PHB1: variants seen among roughly 807,000 people sequenced by gnomAD.
PHB1 encodes epididymis luminal protein 215.
the PHB1 span, among the ~76,000 whole-genome samples, chr17:49,413,973 G>A: frequency 6.6e-6 from 1 of 152,218 alleles, no homozygotes; most frequent in African/African-American, 2.4e-5. Context: ...TGTGAGGTTA[G>A]ATTGGTGCAA....
the PHB1 span, chr17:49,409,300 G>C: frequency 6.2e-7 from 1 of 1,613,838 alleles, no homozygotes. Flanking sequence ...TGGTGCTCTG[G>C]GCTCGAGGCT....
At chr17:49,412,056 C>A in the PHB1 span, 1 of 502,006 alleles carries the variant, frequency 2.0e-6, no homozygotes, top group South Asian at 3.3e-5. Context: ...GGTAATAGGA[C>A]CTGTTCCTTA....
the PHB1 span, among the ~76,000 whole-genome samples, chr17:49,408,590 C>T: frequency 1.3e-5 from 2 of 152,208 alleles, no homozygotes; most frequent in African/African-American, 2.4e-5. Context: ...TATCACCTTT[C>T]ACTGGGGTTC....
chr17:49,407,147 T>C, the PHB1 span: 2 of 368,130 alleles, frequency 5.4e-6, no homozygotes, highest in East Asian at 1.1e-4. Flanking sequence ...CCAGAAGGTA[T>C]CTACTCAATC....
the PHB1 span, among the ~76,000 whole-genome samples, chr17:49,406,165 T>A: frequency 6.6e-6 from 1 of 152,230 alleles, no homozygotes; most frequent in East Asian, 1.9e-4. Flanking sequence ...GTGTTTTCAT[T>A]CTCCAAAATT....
the PHB1 span, chr17:49,404,982 G>C: frequency 4.5e-5 from 69 of 1,545,202 alleles, no homozygotes; most frequent in African/African-American, 8.5e-4. Context: ...GGTGCAGGCA[G>C]GGTGGGCCCT....
At chr17:49,405,795 C>CA in the PHB1 span, among the ~76,000 whole-genome samples, 1 of 144,614 alleles carries the variant, frequency 6.9e-6, no homozygotes, top group African/African-American at 2.5e-5. Context: ...AACAAACAAA[C>CA]AAAAAACCTC....
chr17:49,406,069 CCTA>C, the PHB1 span, among the ~76,000 whole-genome samples: 2 of 152,198 alleles, frequency 1.3e-5, no homozygotes, highest in African/African-American at 4.8e-5. Flanking sequence ...TTACTGTATA[CCTA>C]CTATCACCAG....
chr17:49,405,871 G>A, the PHB1 span, among the ~76,000 whole-genome samples: 1 of 151,998 alleles, frequency 6.6e-6, no homozygotes, highest in Non-Finnish European at 1.5e-5. Context: ...AGTTAGGCTG[G>A]TTCCTGACCA....
the PHB1 span, chr17:49,409,550 T>TTG: frequency 3.1e-6 from 3 of 954,458 alleles, no homozygotes; most frequent in Non-Finnish European, 4.5e-6. Flanking sequence ...TTTGTTTTTT[T>TTG]TTTTTTTTGA....
At chr17:49,404,719 C>A in the PHB1 span, 5 of 478,798 alleles carry the variant, frequency 1.0e-5, no homozygotes, top group African/African-American at 9.8e-5. Context: ...CTCCAGCAGG[C>A]CCCGAATTGG....
the PHB1 span, among the ~76,000 whole-genome samples, chr17:49,406,348 C>A: frequency 6.6e-6 from 1 of 152,330 alleles, no homozygotes; most frequent in Non-Finnish European, 1.5e-5. Flanking sequence ...TTTGACACAT[C>A]TGGATGGATT....
chr17:49,411,199 CTTTT>C, the PHB1 span, among the ~76,000 whole-genome samples: 4 of 117,458 alleles, frequency 3.4e-5, no homozygotes, highest in Non-Finnish European at 3.5e-5. Flanking sequence ...TAGAAGCAGG[CTTTT>C]TTTTTTTTTT....
chr17:49,409,530 G>T, the PHB1 span: 70 of 1,146,592 alleles, frequency 6.1e-5, no homozygotes, highest in Middle Eastern at 2.2e-4. Context: ...AGGAAAACAA[G>T]TGTTTTTTTT....
the PHB1 span, chr17:49,404,145 C>G: frequency 6.5e-6 from 1 of 152,684 alleles, no homozygotes; most frequent in Non-Finnish European, 1.5e-5. Flanking sequence ...GAAGGGCAGT[C>G]TCTGAATGAG....
chr17:49,408,788 A>G, the PHB1 span: 1 of 423,668 alleles, frequency 2.4e-6, no homozygotes, highest in African/African-American at 2.0e-5. Context: ...AGAAGGTAAA[A>G]CATTTAGTGG....
At chr17:49,413,927 C>G in the PHB1 span, among the ~76,000 whole-genome samples, 1 of 152,122 alleles carries the variant, frequency 6.6e-6, no homozygotes, top group African/African-American at 2.4e-5. Context: ...AAACCACCCT[C>G]TCATTTCCTG....
chr17:49,413,286 T>TCA, the PHB1 span: 1 of 1,582,014 alleles, frequency 6.3e-7, no homozygotes, highest in Non-Finnish European at 8.6e-7. Flanking sequence ...CTGGACCCTC[T>TCA]CACACCTAAG....
At chr17:49,409,781 C>T in the PHB1 span, among the ~76,000 whole-genome samples, 1 of 152,148 alleles carries the variant, frequency 6.6e-6, no homozygotes, top group Non-Finnish European at 1.5e-5. Context: ...GGTGATCTAC[C>T]TGCCTCAGCC....
Sources: gnomAD v4.1 joint callset for allele counts (sites outside exome capture counted in the v4.1 genomes callset) on GRCh38, gnomAD v4.1.1 for gene constraint, MANE v1.5 for transcripts, NCBI Gene and HGNC (gene_info 2026-07-23, HGNC 2026-07-21) for gene names.